TMEM26: variants seen among roughly 807,000 people sequenced by gnomAD.
The protein encoded by TMEM26 is transmembrane protein 26.
Under a neutral mutation model 28.8 loss-of-function variants are expected in TMEM26, and 38 were observed. The observed-to-expected ratio is 1.32, with a 90% CI of 1.02 to 1.73. The LOEUF is 1.73. Among genes scored for constraint, TMEM26 ranks in the 40% most tolerant of loss-of-function variants. The probability of loss-of-function intolerance (pLI) is 0.00; values close to 1 mark genes in which losing one functional copy is unlikely to be tolerated. For synonymous variants in TMEM26, 227 were observed against 182.9 expected, an observed-to-expected ratio of 1.24 and a Z score of -1.95; for missense variants, 518 against 447.1, an observed-to-expected ratio of 1.16 and a Z score of -1.43.
intron 5 of TMEM26, chr10:61,412,945 C>T (rs2135285715): frequency 7.7e-7 from 1 of 1,292,948 alleles, no homozygotes; most frequent in South Asian, 1.3e-5. Context: ...CAAGGACCTC[C>T]AATGAGGACA....
At chr10:61,421,120 T>C (rs538295884) in intron 4 of TMEM26, among the ~76,000 whole-genome samples, 2 of 152,060 alleles carry the variant, frequency 1.3e-5, no homozygotes, top group African/African-American at 2.4e-5. Flanking sequence ...TTTATCAGAA[T>C]TAAGTTAGTT....
intron 4 of TMEM26, among the ~76,000 whole-genome samples, chr10:61,415,603 A>G (rs1839638784): frequency 6.6e-6 from 1 of 152,064 alleles, no homozygotes; most frequent in African/African-American, 2.4e-5. Context: ...TTTGTCCAAA[A>G]TAATGTAGTT....
chr10:61,437,659 C>T (rs1840030064), intron 1 of TMEM26, among the ~76,000 whole-genome samples: 1 of 152,060 alleles, frequency 6.6e-6, no homozygotes, highest in Non-Finnish European at 1.5e-5. Context: ...GTGGTCTGGG[C>T]CTGTAATCCC....
At chr10:61,418,256 T>A (rs934902872) in intron 4 of TMEM26, among the ~76,000 whole-genome samples, 8 of 152,036 alleles carry the variant, frequency 5.3e-5, no homozygotes, top group African/African-American at 1.9e-4. Flanking sequence ...GGTTGGTCAA[T>A]TTGATTAGGC....
At chr10:61,422,633 C>A (rs1030233204) in intron 4 of TMEM26, among the ~76,000 whole-genome samples, 2 of 152,056 alleles carry the variant, frequency 1.3e-5, no homozygotes, top group African/African-American at 2.4e-5. Context: ...TATCAAATTT[C>A]TGGGTGCAGG....
chr10:61,452,501 G>A (rs990743822), intron 1 of TMEM26: 3 of 186,618 alleles, frequency 1.6e-5, no homozygotes, highest in African/African-American at 6.9e-5. Context: ...CGCACGCAGA[G>A]TAACCCGCGC....
At chr10:61,431,128 T>A (rs1221779430) in intron 3 of TMEM26, 91 bp downstream of exon 3, 74 of 991,742 alleles carry the variant, frequency 7.5e-5, no homozygotes, top group South Asian at 7.3e-4. Flanking sequence ...CAGGAAAGAA[T>A]TAGCTGGGAA....
In TMEM26 at chr10:61,425,718, C is replaced by G. The variant is rs116428489; in HGVS notation, c.605+3208G>C. On this transcript the variant is annotated intron_variant, in intron 4 of 5. Coordinates refer to ENST00000399298, the MANE Select transcript of TMEM26 (RefSeq NM_178505.8). ...AGCAACATTAGTCATTAAAGAGCTG[C>G]AAATTAATGTCCTGGTGAGATACCA... Among the ~76,000 whole-genome samples, 669 of 152,130 alleles carry G rather than the reference C, an allele frequency of 4.4e-3. 5 individuals carry two copies. Among genetic ancestry groups the G allele is most frequent in the African/African-American group, 0.016 (645 of 41,500 alleles).
chr10:61,444,904 G>T (rs7894812), intron 1 of TMEM26, among the ~76,000 whole-genome samples: 14,817 of 152,064 alleles, frequency 0.097, 1,532 homozygotes, highest in African/African-American at 0.26. Flanking sequence ...CAGGGCTATT[G>T]TGAGGATTGA....
chr10:61,442,784 C>T (rs1840114756), intron 1 of TMEM26, among the ~76,000 whole-genome samples: 1 of 152,194 alleles, frequency 6.6e-6, no homozygotes, highest in Admixed American at 6.5e-5. Flanking sequence ...CATGTAGACT[C>T]ATTTGTCTAA....
intron 4 of TMEM26, among the ~76,000 whole-genome samples, chr10:61,415,395 G>A (rs138724373): frequency 6.6e-6 from 1 of 152,088 alleles, no homozygotes; most frequent in Non-Finnish European, 1.5e-5. Context: ...CACAGTCAAT[G>A]TCTATACACA....
chr10:61,441,226 C>T (rs1022663166), intron 1 of TMEM26, among the ~76,000 whole-genome samples: 4 of 152,084 alleles, frequency 2.6e-5, no homozygotes, highest in African/African-American at 4.8e-5. Context: ...TTTAGTGATT[C>T]GATAAGGCTC....
intron 1 of TMEM26, among the ~76,000 whole-genome samples, chr10:61,438,538 A>G (rs1014544715): frequency 9.2e-5 from 14 of 152,236 alleles, no homozygotes; most frequent in African/African-American, 3.4e-4. Context: ...GGGAAACCAT[A>G]GCCTGAACAT....
intron 1 of TMEM26, among the ~76,000 whole-genome samples, chr10:61,437,907 A>ATG (rs1280256528): frequency 6.6e-6 from 1 of 152,230 alleles, no homozygotes; most frequent in African/African-American, 2.4e-5. Context: ...AATACGCAGC[A>ATG]ATAGTTTGAA....
At chr10:61,440,856 T>C (rs75975670) in intron 1 of TMEM26, among the ~76,000 whole-genome samples, 5 of 152,304 alleles carry the variant, frequency 3.3e-5, no homozygotes, top group Non-Finnish European at 7.4e-5. Context: ...CTGGGGGGGA[T>C]TGGTTCTAGA....
chr10:61,406,923 G>A lies in TMEM26; in HGVS notation c.*3399C>T, dbSNP rs1042585989. ...AACCCCAAATCAGATGTTTCTGAGA[G>A]CAAATCAGAATGTCCTCTAAGTAAA... On this transcript the variant is annotated 3_prime_UTR_variant, in exon 6 of 6. Transcript: ENST00000399298. 1 of 151,580 alleles carries A rather than the reference G, an allele frequency of 6.6e-6. No individual in the cohort carries two copies. Among genetic ancestry groups the A allele is most frequent in the Non-Finnish European group, 1.5e-5 (1 of 67,896 alleles). The allele number at this position is 151,580 out of a possible 1,614,324, so 9.4% of individuals were successfully genotyped here.
chr10:61,431,909 T>G, intron 2 of TMEM26, among the ~76,000 whole-genome samples: 1 of 151,970 alleles, frequency 6.6e-6, no homozygotes, highest in East Asian at 1.9e-4. Flanking sequence ...TAGTCTCTGG[T>G]GTCTGTTGTT....
chr10:61,432,790 G>A (rs1172246485), intron 2 of TMEM26, among the ~76,000 whole-genome samples: 2 of 151,938 alleles, frequency 1.3e-5, no homozygotes, highest in Non-Finnish European at 2.9e-5. Context: ...CTTTCCAAAC[G>A]ACTAGTATTA....
At chr10:61,413,925 C>A (rs1300710721) in intron 4 of TMEM26, 1 of 987,700 alleles carries the variant, frequency 1.0e-6, no homozygotes, top group Non-Finnish European at 1.2e-6. Context: ...TCTAAGAAAC[C>A]AGGGATCGAA....
Sources: gnomAD v4.1 joint callset for allele counts (sites outside exome capture counted in the v4.1 genomes callset) on GRCh38, gnomAD v4.1.1 for gene constraint, MANE v1.5 for transcripts, NCBI Gene and HGNC (gene_info 2026-07-23, HGNC 2026-07-21) for gene names.